The following LIN9 variants were observed in gnomAD, a reference collection of about 807,000 sequenced individuals.
The protein encoded by LIN9 is protein lin-9 homolog.
Under a neutral mutation model 78.0 loss-of-function variants are expected in LIN9, and 18 were observed. The ratio of observed to expected loss-of-function variants is 0.23; its 90% CI spans 0.16 to 0.34. LIN9 has a LOEUF of 0.34. Ranked by LOEUF, LIN9 falls within the 10% of genes least tolerant of loss-of-function variation. The probability of loss-of-function intolerance (pLI) is 1.00; values close to 1 mark genes in which losing one functional copy is unlikely to be tolerated. For synonymous variants in LIN9, 192 were observed against 215.2 expected, an observed-to-expected ratio of 0.89 and a Z score of 0.94; for missense variants, 451 against 644.1, an observed-to-expected ratio of 0.70 and a Z score of 3.25.
chr1:226,238,935 T>C (rs1649796768), intron 12 of LIN9, 36 bp downstream of exon 12: 17 of 1,585,612 alleles, frequency 1.1e-5, no homozygotes, highest in Non-Finnish European at 1.5e-5. Flanking sequence ...AAGCTTCAAA[T>C]ACAAATATGG....
chr1:226,295,210 G>A (rs938127546), intron 4 of LIN9, among the ~76,000 whole-genome samples: 23 of 151,976 alleles, frequency 1.5e-4, no homozygotes, highest in Non-Finnish European at 2.5e-4. Context: ...AGCACTTTGG[G>A]AGGCCGAGGC....
intron 6 of LIN9, among the ~76,000 whole-genome samples, chr1:226,285,125 G>A (rs180723680): frequency 2.2e-3 from 330 of 152,186 alleles, no homozygotes; most frequent in Middle Eastern, 3.4e-3. Context: ...ATCAATTAAC[G>A]AGAAATATTA....
intron 1 of LIN9, among the ~76,000 whole-genome samples, chr1:226,308,469 G>A (rs1663064030): frequency 6.6e-6 from 1 of 152,188 alleles, no homozygotes; most frequent in Non-Finnish European, 1.5e-5. Flanking sequence ...TGAGTATCCG[G>A]GCTGGATGAT....
At chr1:226,238,650 A>C (rs1657900003) in intron 12 of LIN9, among the ~76,000 whole-genome samples, 1 of 152,012 alleles carries the variant, frequency 6.6e-6, no homozygotes, top group Admixed American at 6.6e-5. Context: ...TAAATAAATA[A>C]AGAAGAAGAA....
At chr1:226,303,529 G>A (rs147715789) in intron 1 of LIN9, among the ~76,000 whole-genome samples, 206 of 152,298 alleles carry the variant, frequency 1.4e-3, no homozygotes, top group African/African-American at 4.7e-3. Context: ...ATCCACTCCT[G>A]CTCCACGAAG....
intron 6 of LIN9, among the ~76,000 whole-genome samples, chr1:226,279,012 T>G (rs933401556): frequency 6.8e-6 from 1 of 147,470 alleles, no homozygotes; most frequent in Admixed American, 6.7e-5. Flanking sequence ...CCACAAAAAA[T>G]TAGCAGGGCA....
intron 11 of LIN9, among the ~76,000 whole-genome samples, chr1:226,244,881 G>A (rs188178954): frequency 3.8e-4 from 58 of 152,284 alleles, no homozygotes; most frequent in Admixed American, 3.4e-3. Context: ...CACCTAAAGT[G>A]TATAAACATG....
chr1:226,272,876 A>T (rs1422350995), intron 7 of LIN9, among the ~76,000 whole-genome samples: 3 of 152,038 alleles, frequency 2.0e-5, no homozygotes, highest in African/African-American at 7.2e-5. Context: ...TGGGGCCTTC[A>T]CAGCCTCCAC....
chr1:226,255,283 G>A (rs1192119382), intron 10 of LIN9, among the ~76,000 whole-genome samples: 2 of 152,142 alleles, frequency 1.3e-5, no homozygotes, highest in Admixed American at 1.3e-4. Flanking sequence ...TTAAGATGGA[G>A]CATTCTGTTC....
At chr1:226,284,025 T>C (rs1661246714) in intron 6 of LIN9, among the ~76,000 whole-genome samples, 1 of 152,216 alleles carries the variant, frequency 6.6e-6, no homozygotes, top group Non-Finnish European at 1.5e-5. Context: ...CTTGTGGTTT[T>C]ATTCTTTCAT....
At chr1:226,246,729 C>G (rs935267051) in intron 11 of LIN9, among the ~76,000 whole-genome samples, 1 of 145,588 alleles carries the variant, frequency 6.9e-6, no homozygotes, top group South Asian at 2.1e-4. Flanking sequence ...GGAGTCGGAG[C>G]TTGCAGTGAG....
At chr1:226,261,185 T>G (rs1179990558) in intron 10 of LIN9, among the ~76,000 whole-genome samples, 4 of 151,942 alleles carry the variant, frequency 2.6e-5, no homozygotes, top group Non-Finnish European at 5.9e-5. Context: ...AATATCATAC[T>G]TAATGGTGAG....
At chr1:226,286,224 G>C in intron 6 of LIN9, 109 bp downstream of exon 6, 1 of 1,146,524 alleles carries the variant, frequency 8.7e-7, no homozygotes, top group Non-Finnish European at 1.2e-6. Flanking sequence ...TGAACCCCTG[G>C]CCTTAAGCAA....
At chr1:226,278,549 C>T (rs893152767) in intron 6 of LIN9, among the ~76,000 whole-genome samples, 18 of 152,160 alleles carry the variant, frequency 1.2e-4, no homozygotes, top group Non-Finnish European at 2.2e-4. Flanking sequence ...TCTGGCCGGG[C>T]GTGGTGGCTC....
At chr1:226,304,276 A>G (rs1427776786) in intron 1 of LIN9, among the ~76,000 whole-genome samples, 3 of 152,216 alleles carry the variant, frequency 2.0e-5, no homozygotes, top group Admixed American at 2.0e-4. Context: ...TTCTTAGTTC[A>G]TAAGCATGAT....
At chr1:226,248,952 A>G (rs1658655250) in intron 11 of LIN9, among the ~76,000 whole-genome samples, 1 of 152,194 alleles carries the variant, frequency 6.6e-6, no homozygotes, top group African/African-American at 2.4e-5. Flanking sequence ...CAACATCAAA[A>G]CGGTCTCTGG....
chr1:226,234,069 G>A (rs1190186857), intron 12 of LIN9, among the ~76,000 whole-genome samples: 1 of 152,160 alleles, frequency 6.6e-6, no homozygotes, highest in Non-Finnish European at 1.5e-5. Context: ...TTATTAGAAG[G>A]CACGTGATGT....
intron 5 of LIN9, among the ~76,000 whole-genome samples, chr1:226,286,932 T>C (rs1262723017): frequency 6.6e-6 from 1 of 152,154 alleles, no homozygotes; most frequent in African/African-American, 2.4e-5. Context: ...CTTAAGCCTA[T>C]GGACAAAAAT....
chr1:226,267,162 T>C (rs1332288389), intron 8 of LIN9, among the ~76,000 whole-genome samples: 1 of 151,380 alleles, frequency 6.6e-6, no homozygotes, highest in Non-Finnish European at 1.5e-5. Context: ...GTTCTACATT[T>C]AGTTCTAATT....
Sources: allele counts gnomAD v4.1 joint callset (sites outside exome capture counted in the v4.1 genomes callset), GRCh38; gene constraint gnomAD v4.1.1; transcripts MANE v1.5; gene names NCBI Gene and HGNC (gene_info 2026-07-23, HGNC 2026-07-21).